The following TMEM71 variants were observed in gnomAD, a reference collection of about 807,000 sequenced individuals.
TMEM71 encodes transmembrane protein 71.
TMEM71 carries 44 observed loss-of-function variants against 38.0 expected under a neutral mutation model. That is an observed-to-expected ratio of 1.16 (90% confidence interval 0.91 to 1.49). The LOEUF is 1.49. TMEM71 is among the 40% of genes most tolerant of loss of function. TMEM71 has a pLI of 0.00. For missense variants in TMEM71, 367 were observed against 348.6 expected, an observed-to-expected ratio of 1.05 and a Z score of -0.42; for synonymous variants, 133 against 122.5, an observed-to-expected ratio of 1.09 and a Z score of -0.56.
downstream of TMEM71, among the ~76,000 whole-genome samples, chr8:132,707,928 C>A (rs1290073731): frequency 6.6e-6 from 1 of 152,152 alleles, no homozygotes; most frequent in African/African-American, 2.4e-5. Flanking sequence ...GTATTCTTCA[C>A]CGTCATACTC....
At chr8:132,728,077 T>C in intron 5 of TMEM71, 91 bp from the exon 6 acceptor site, 1 of 973,286 alleles carries the variant, frequency 1.0e-6, no homozygotes, top group Non-Finnish European at 1.5e-6. Context: ...CACAGTTAGT[T>C]CCTAATAATC....
chr8:132,707,450 G>A (rs1013939285), downstream of TMEM71, among the ~76,000 whole-genome samples: 1 of 152,128 alleles, frequency 6.6e-6, no homozygotes, highest in African/African-American at 2.4e-5. Context: ...GTTGAGACAT[G>A]GGACCTTAAA....
Position 132,757,117 on chromosome 8 carries a change from C to T in TMEM71, c.101+117G>A, listed in dbSNP as rs184773108. On this transcript the variant is annotated intron_variant, in intron 3 of 9. Transcript: ENST00000677595. ...TTCACCGTGTTAGCCAGGATGGTCT[C>T]CATCTCCTGACCTCGTGATCCGCCT... The T allele has an allele frequency of 8.0e-3, 4,284 of 534,082 alleles. 50 individuals are homozygous for T. Among genetic ancestry groups the T allele is most frequent in the Non-Finnish European group, 0.011 (3,234 of 287,186 alleles). The allele number at this position is 534,082 out of a possible 1,614,324, so 33.1% of individuals were successfully genotyped here. A position where few individuals can be genotyped will look rare whatever the true frequency, so the allele number is the denominator to read the frequency against.
intron 7 of TMEM71, among the ~76,000 whole-genome samples, chr8:132,720,325 T>A (rs545612944): frequency 2.6e-5 from 4 of 152,140 alleles, no homozygotes; most frequent in African/African-American, 9.7e-5. Flanking sequence ...CCACAAACAT[T>A]AACCTAAGAA....
intron 5 of TMEM71, among the ~76,000 whole-genome samples, chr8:132,739,008 C>A (rs541511004): frequency 6.6e-6 from 1 of 151,960 alleles, no homozygotes; most frequent in African/African-American, 2.4e-5. Context: ...ATACACTGAC[C>A]CTCTCTATAC....
chr8:132,775,720 G>A, the TMEM71 span: 1 of 308,500 alleles, frequency 3.2e-6, no homozygotes, highest in African/African-American at 2.2e-5. Context: ...CCATTCTGGT[G>A]TCTCTCTTTC....
chr8:132,761,069 A>G (rs1176457508), upstream of TMEM71, among the ~76,000 whole-genome samples: 1 of 152,256 alleles, frequency 6.6e-6, no homozygotes, highest in Admixed American at 6.5e-5. Flanking sequence ...GTTGGACTTC[A>G]CAAAAAACTC....
chr8:132,737,724 C>G (rs554327806), intron 5 of TMEM71, among the ~76,000 whole-genome samples: 41 of 152,288 alleles, frequency 2.7e-4, no homozygotes, highest in Admixed American at 9.2e-4. Context: ...CCCTAGCACT[C>G]ACACAATTAG....
intron 9 of TMEM71, among the ~76,000 whole-genome samples, chr8:132,711,421 C>T (rs1232410524): frequency 6.6e-6 from 1 of 152,184 alleles, no homozygotes; most frequent in African/African-American, 2.4e-5. Flanking sequence ...GAAAATTGCT[C>T]TCTCCTGCCC....
At chr8:132,768,263 AT>A in the TMEM71 span, among the ~76,000 whole-genome samples, 2 of 152,074 alleles carry the variant, frequency 1.3e-5, no homozygotes, top group Non-Finnish European at 2.9e-5. Context: ...TACTTTCATT[AT>A]TTGCCTTTAG....
At chr8:132,767,764 C>G in the TMEM71 span, among the ~76,000 whole-genome samples, 1 of 152,136 alleles carries the variant, frequency 6.6e-6, no homozygotes, top group African/African-American at 2.4e-5. Flanking sequence ...TGTGAGCCAC[C>G]GCGCCCGGCC....
At chr8:132,774,976 G>T in the TMEM71 span, among the ~76,000 whole-genome samples, 15 of 152,350 alleles carry the variant, frequency 9.8e-5, no homozygotes, top group South Asian at 2.1e-4. Context: ...TTCAAGGGAG[G>T]TTTATTGATT....
intron 5 of TMEM71, among the ~76,000 whole-genome samples, chr8:132,742,556 T>C (rs929558738): frequency 6.6e-6 from 1 of 152,212 alleles, no homozygotes; most frequent in Admixed American, 6.5e-5. Flanking sequence ...TATTTGCAAA[T>C]GTATTTATCT....
downstream of TMEM71, among the ~76,000 whole-genome samples, chr8:132,709,376 G>T (rs367863143): frequency 6.6e-6 from 1 of 152,150 alleles, no homozygotes; most frequent in Non-Finnish European, 1.5e-5. Flanking sequence ...TATTACACGA[G>T]GCTATTTCAA....
the TMEM71 span, among the ~76,000 whole-genome samples, chr8:132,766,632 T>C: frequency 3.3e-5 from 5 of 151,840 alleles, no homozygotes; most frequent in African/African-American, 4.8e-5. Context: ...AAACCTTGTC[T>C]CTACAAAAAA....
the TMEM71 span, among the ~76,000 whole-genome samples, chr8:132,771,441 C>A: frequency 6.6e-6 from 1 of 152,070 alleles, no homozygotes; most frequent in East Asian, 1.9e-4. Context: ...GTAGCAGAGA[C>A]TTTGATATCT....
chr8:132,727,287 C>T (rs1360985988), intron 6 of TMEM71, among the ~76,000 whole-genome samples: 2 of 147,976 alleles, frequency 1.4e-5, no homozygotes, highest in South Asian at 2.2e-4. Context: ...GATGGAGTCT[C>T]GCTCTGTCAC....
At chr8:132,725,524 G>C (rs1337038116) in intron 6 of TMEM71, among the ~76,000 whole-genome samples, 1 of 152,072 alleles carries the variant, frequency 6.6e-6, no homozygotes, top group African/African-American at 2.4e-5. Flanking sequence ...ACTTTGAGTT[G>C]GGTTTCCATC....
At chr8:132,746,410 TACACAC>T (rs1190151710) in intron 5 of TMEM71, among the ~76,000 whole-genome samples, 1 of 15,478 alleles carries the variant, frequency 6.5e-5, no homozygotes, top group African/African-American at 1.2e-4. Flanking sequence ...CATATATATA[TACACAC>T]ACATATATAT....
Sources: allele counts gnomAD v4.1 joint callset (sites outside exome capture counted in the v4.1 genomes callset), GRCh38; gene constraint gnomAD v4.1.1; transcripts MANE v1.5; gene names NCBI Gene and HGNC (gene_info 2026-07-23, HGNC 2026-07-21).